The following NTAQ1 variants were observed in gnomAD, a reference collection of about 807,000 sequenced individuals.
NTAQ1 encodes protein N-terminal glutamine amidohydrolase.
A neutral mutation model predicts 28.2 loss-of-function variants in NTAQ1; 21 were observed. That is an observed-to-expected ratio of 0.74 (90% CI 0.53 to 1.07). The LOEUF is 1.07. NTAQ1 is among the 50% of genes least tolerant of loss of function. NTAQ1 has a pLI of 0.00. For missense variants in NTAQ1, 264 were observed against 256.6 expected, an observed-to-expected ratio of 1.03 and a Z score of -0.20; for synonymous variants, 105 against 90.0, an observed-to-expected ratio of 1.17 and a Z score of -0.94.
downstream of NTAQ1, among the ~76,000 whole-genome samples, chr8:123,445,900 C>A (rs1350601910): frequency 2.0e-5 from 3 of 151,964 alleles, no homozygotes; most frequent in African/African-American, 2.4e-5. Flanking sequence ...GCCACCTCAC[C>A]CACCCCCAAG....
At chr8:123,472,932 G>A (rs1247916029), downstream of NTAQ1, among the ~76,000 whole-genome samples, 8 of 151,830 alleles carry the variant, frequency 5.3e-5, no homozygotes, top group South Asian at 2.1e-4. Context: ...TCCTTTCATC[G>A]CCTATTTTCT....
At chr8:123,428,150 C>A in intron 2 of NTAQ1, 127 bp downstream of exon 2, 2 of 610,268 alleles carry the variant, frequency 3.3e-6, no homozygotes, top group Non-Finnish European at 5.4e-6. Flanking sequence ...TTATTAAATA[C>A]AGCAACATTT....
At chr8:123,438,923 A>T (rs564258316) in intron 5 of NTAQ1, among the ~76,000 whole-genome samples, 1 of 152,136 alleles carries the variant, frequency 6.6e-6, no homozygotes, top group African/African-American at 2.4e-5. Context: ...CTGCCTTAGC[A>T]TCTATGGCAA....
chr8:123,443,644 T>C (rs1815163297), downstream of NTAQ1, among the ~76,000 whole-genome samples: 1 of 152,128 alleles, frequency 6.6e-6, no homozygotes, highest in South Asian at 2.1e-4. Flanking sequence ...GTGTGATCTC[T>C]GCTTACTGCA....
At chr8:123,464,401 C>T (rs555049689) in intron 6 of NTAQ1, among the ~76,000 whole-genome samples, 4 of 152,254 alleles carry the variant, frequency 2.6e-5, no homozygotes, top group South Asian at 4.1e-4. Context: ...GGGAAATGCT[C>T]GTGAACATGT....
intron 6 of NTAQ1, among the ~76,000 whole-genome samples, chr8:123,462,364 TATGAG>T (rs1242253077): frequency 1.3e-5 from 2 of 152,150 alleles, no homozygotes; most frequent in African/African-American, 4.8e-5. Flanking sequence ...TTGTTTTTAA[TATGAG>T]ATTAGTTATT....
intron 2 of NTAQ1, 73 bp from the exon 3 acceptor site, chr8:123,429,906 CAAAA>C (rs372581225): frequency 3.3e-5 from 20 of 602,194 alleles, no homozygotes; most frequent in African/African-American, 4.8e-5. Flanking sequence ...AATCCCGTCT[CAAAA>C]AAAAAAAAAG....
intron 3 of NTAQ1, among the ~76,000 whole-genome samples, chr8:123,431,592 T>C (rs1466770027): frequency 6.6e-6 from 1 of 152,212 alleles, no homozygotes; most frequent in Non-Finnish European, 1.5e-5. Flanking sequence ...GCAGGTGATC[T>C]TGCATGAAAG....
chr8:123,443,589 GT>G (rs777319344), downstream of NTAQ1, among the ~76,000 whole-genome samples: 2 of 151,952 alleles, frequency 1.3e-5, no homozygotes, highest in African/African-American at 2.4e-5. Flanking sequence ...CACCTTTTTT[GT>G]TTTTGAGACT....
Position 123,426,978 on chromosome 8 carries a change from A to T in NTAQ1, c.84-946A>T, listed in dbSNP as rs78283119. Among the ~76,000 whole-genome samples the T allele has an allele frequency of 5.6e-3, 860 of 152,232 alleles. 13 individuals are homozygous for T. Among genetic ancestry groups the T allele is most frequent in the African/African-American group, 0.02 (814 of 41,552 alleles). ...CTGTCTCCAAAAATAAATAAATAAA[A>T]AAAATAAAATTATGTCCCTTTCTTA... On this transcript the variant is annotated intron_variant, in intron 1 of 5. Coordinates refer to ENST00000287387, the MANE Select transcript of NTAQ1 (RefSeq NM_018024.3).
At chr8:123,469,919 A>G (rs1816025286) in exon 7 of NTAQ1, among the ~76,000 whole-genome samples, 1 of 152,206 alleles carries the variant, frequency 6.6e-6, no homozygotes, top group Admixed American at 6.5e-5. Flanking sequence ...CATGTTATGG[A>G]CTAAATGTTT....
downstream of NTAQ1, among the ~76,000 whole-genome samples, chr8:123,446,452 T>G (rs1815291409): frequency 6.6e-6 from 1 of 152,240 alleles, no homozygotes; most frequent in South Asian, 2.1e-4. Context: ...ACAGACAATA[T>G]GTAAATGAAT....
downstream of NTAQ1, among the ~76,000 whole-genome samples, chr8:123,450,971 T>C (rs1289898528): frequency 6.6e-6 from 1 of 152,244 alleles, no homozygotes; most frequent in Non-Finnish European, 1.5e-5. Context: ...CTAAATATAC[T>C]GTTCTACCCT....
At chr8:123,417,111 G>A (rs539376672) in intron 1 of NTAQ1, among the ~76,000 whole-genome samples, 179 bp downstream of exon 1, 64 of 152,246 alleles carry the variant, frequency 4.2e-4, no homozygotes, top group Non-Finnish European at 5.3e-4. Flanking sequence ...GTAGAGCGTG[G>A]GCTATTGGAT....
downstream of NTAQ1, among the ~76,000 whole-genome samples, chr8:123,444,692 G>T (rs1563898930): frequency 1.3e-5 from 2 of 152,156 alleles, no homozygotes; most frequent in Admixed American, 1.3e-4. Flanking sequence ...TATATTTTTA[G>T]TGGAGACGGG....
At chr8:123,446,283 G>A (rs1815282605), downstream of NTAQ1, among the ~76,000 whole-genome samples, 1 of 152,212 alleles carries the variant, frequency 6.6e-6, no homozygotes, top group Non-Finnish European at 1.5e-5. Flanking sequence ...TGGGATTACA[G>A]GCATCAGCCA....
rs1815080677 is a variant in NTAQ1, at chr8:123,441,748, TTG to T, written c.*337_*338del. 4.1e-6 allele frequency: 1 copy of T among 245,720 alleles called. No individual in the cohort carries two copies. The highest frequency in any genetic ancestry group is 8.6e-5 in the East Asian group (1 of 11,668). 15.2% of individuals were successfully genotyped at this position (245,720 alleles called of 1,614,324 possible). On this transcript the variant is annotated 3_prime_UTR_variant, in exon 6 of 6. Transcript: ENST00000287387. ...GCCCCTCATGTCTGTTTTGGATGTT[TTG>T]TGTCTCTCCAGCTACATTGTAAGTT...
At chr8:123,416,739 C>A (rs1309801586), upstream of NTAQ1, 2 of 1,098,152 alleles carry the variant, frequency 1.8e-6, no homozygotes, top group African/African-American at 3.3e-5. Flanking sequence ...TCCCCCCGGG[C>A]TCCGCCCACC....
intron 6 of NTAQ1, among the ~76,000 whole-genome samples, chr8:123,466,393 A>G (rs1332912959): frequency 1.3e-5 from 2 of 152,212 alleles, no homozygotes; most frequent in Non-Finnish European, 2.9e-5. Context: ...ATGGTGCAAG[A>G]CAGAAGAAAA....
Sources: allele counts gnomAD v4.1 joint callset (sites outside exome capture counted in the v4.1 genomes callset), GRCh38; gene constraint gnomAD v4.1.1; transcripts MANE v1.5; gene names NCBI Gene and HGNC (gene_info 2026-07-23, HGNC 2026-07-21).